Variants in MATR3 observed in about 807,000 individuals in gnomAD.
MATR3 encodes matrin 3.
A neutral mutation model predicts 85.5 loss-of-function variants in MATR3; 4 were observed. That is an observed-to-expected ratio of 0.05 (90% CI 0.02 to 0.11). The LOEUF (loss-of-function observed/expected upper bound fraction) is 0.11. Ranked by LOEUF, MATR3 falls within the 10% of genes least tolerant of loss-of-function variation. The pLI is 1.00. For missense variants in MATR3, 685 were observed against 1,016.1 expected (o/e 0.67, Z 4.43); for synonymous variants, 336 against 343.1 (o/e 0.98, Z 0.23).
At position 139,319,355 on chromosome 5, in the gene MATR3, C is replaced by A. The variant is rs1209324366; in HGVS notation, c.1456C>A (p.Gln486Lys). 1.2e-6 allele frequency: 2 copies of A among 1,614,114 alleles called. No homozygotes were observed. The highest frequency in any genetic ancestry group is 8.5e-7 in the Non-Finnish European group (1 of 1,180,032). The stretch of plus-strand genomic sequence containing the variant: ...AAAGAAACCTGAAGGAAAGCCAGAT[C>A]AGAAGTTTGATCAAAAGCAAGAGCT... ...RIKKPEGKPD[Q>K]KFDQKQELGR... Residue 486 changes from glutamine to lysine, a missense_variant, in exon 9 of 15, where the codon CAG becomes AAG. Coordinates refer to ENST00000394805, the MANE Select transcript of MATR3 (RefSeq NM_018834.6).
At chr5:139,320,683 AGTT>A (rs1046343777) in intron 9 of MATR3, among the ~76,000 whole-genome samples, 11 of 151,598 alleles carry the variant, frequency 7.3e-5, no homozygotes, top group African/African-American at 2.7e-4. Flanking sequence ...CAGCATTGCA[AGTT>A]TGTGTTCTTC....
intron 2 of MATR3, chr5:139,314,377 G>T (rs1755142690): frequency 5.5e-6 from 2 of 364,018 alleles, no homozygotes; most frequent in Non-Finnish European, 1.1e-5. Flanking sequence ...CTGATCTCAA[G>T]GTTAGTTACT....
At chr5:139,285,866 C>CA (rs1457162117) in intron 3 of MATR3, among the ~76,000 whole-genome samples, 3 of 151,236 alleles carry the variant, frequency 2.0e-5, no homozygotes, top group Non-Finnish European at 4.4e-5. Context: ...TGAAATTAGT[C>CA]AGAGGAAAAA....
At chr5:139,314,257 T>C (rs977787346) in intron 2 of MATR3, 2 of 241,078 alleles carry the variant, frequency 8.3e-6, no homozygotes, top group Non-Finnish European at 1.7e-5. Context: ...ATTTATAGTA[T>C]ATAGTTTCTA....
intron 3 of MATR3, chr5:139,283,681 A>G (rs997186090): frequency 1.3e-5 from 2 of 152,268 alleles, no homozygotes; most frequent in Non-Finnish European, 2.9e-5. Context: ...ACTGAACTCT[A>G]TGCTAGATGT....
chr5:139,315,985 G>A (rs1755221669), intron 4 of MATR3, 91 bp from the exon 5 acceptor site: 2 of 975,490 alleles, frequency 2.1e-6, no homozygotes, highest in African/African-American at 1.6e-5. Flanking sequence ...AGTGGTTGTG[G>A]TCATATATTG....
chr5:139,315,573 G>A (rs533232619), intron 3 of MATR3, 124 bp from the exon 4 acceptor site: 1 of 663,678 alleles, frequency 1.5e-6, no homozygotes, highest in South Asian at 1.8e-5. Context: ...TTAAAACTAT[G>A]TTTCTAACAC....
intron 1 of MATR3, among the ~76,000 whole-genome samples, chr5:139,304,686 A>T (rs73255229): frequency 0.012 from 1,872 of 152,232 alleles, 45 homozygotes; most frequent in African/African-American, 0.043. Context: ...TTGGATTTTG[A>T]TAATAAATGT....
Position 139,330,674 on chromosome 5 carries a change from G to A in MATR3, c.*1279G>A, listed in dbSNP as rs756222486. 7 of 454,108 alleles carry A rather than the reference G, an allele frequency of 1.5e-5. No individual in the cohort carries two copies. Among genetic ancestry groups the A allele is most frequent in the South Asian group, 1.1e-4 (7 of 64,482 alleles). The allele number at this position is 454,108 out of a possible 1,614,324, so 28.1% of individuals were successfully genotyped here. ...TACAGGTGAACAAACAGAAGCTTAT[G>A]TTTAGAGATATTGATGACTTAACAG... On this transcript the variant is annotated 3_prime_UTR_variant, in exon 15 of 15. Transcript: ENST00000394805.
At chr5:139,284,495 C>T (rs1373940218) in intron 3 of MATR3, among the ~76,000 whole-genome samples, 1 of 151,926 alleles carries the variant, frequency 6.6e-6, no homozygotes, top group Non-Finnish European at 1.5e-5. Flanking sequence ...GTAATCCCAA[C>T]TATTTGGGTG....
In MATR3 at chr5:139,322,768, T is replaced by C. The variant is rs1176347654; in HGVS notation, c.1949T>C (p.Met650Thr). ...GACCAGACAGAGCAGGAACCTAATA[T>C]GCTTCTTGAATCTGAAGATGAGCTA... is the stretch of plus-strand genomic sequence containing the variant. ...KDDQTEQEPN[M>T]LLESEDELLV... Residue 650 changes from methionine to threonine, a missense_variant, in exon 12 of 15, where the codon ATG (methionine) becomes ACG (threonine). Physicochemically the swap from Met to Thr is moderately conservative, Grantham distance 81. Around this residue, in one of 9 missense-constraint regions of MATR3, gnomAD observed 215 missense variants for 194.7 expected, o/e 1.10. Coordinates refer to ENST00000394805, the MANE Select transcript of MATR3 (RefSeq NM_018834.6). 9 of 1,614,088 alleles carry C rather than the reference T, an allele frequency of 5.6e-6. No homozygotes were observed. Among genetic ancestry groups the C allele is most frequent in the African/African-American group, 1.3e-5 (1 of 74,942 alleles).
intron 3 of MATR3, among the ~76,000 whole-genome samples, chr5:139,285,598 G>A (rs1753677622): frequency 6.6e-6 from 1 of 152,212 alleles, no homozygotes; most frequent in African/African-American, 2.4e-5. Context: ...ATTTGAACCT[G>A]GGAGGTGGAG....
intron 14 of MATR3, among the ~76,000 whole-genome samples, chr5:139,326,977 C>CT (rs534267927): frequency 1.9e-4 from 29 of 152,242 alleles, no homozygotes; most frequent in Non-Finnish European, 3.7e-4. Context: ...ATTATTGACA[C>CT]TTCAGTTATT....
At chr5:139,280,557 G>C (rs1343553264) in intron 3 of MATR3, 1 of 152,164 alleles carries the variant, frequency 6.6e-6, no homozygotes, top group Non-Finnish European at 1.5e-5. Flanking sequence ...TTTTTTGCAT[G>C]GGTTACTTAC....
Position 139,307,350 on chromosome 5 carries a change from C to G in MATR3, c.-66C>G, listed in dbSNP as rs1754761501. 6.4e-7 allele frequency: 1 copy of G among 1,560,678 alleles called. No individual in the cohort carries two copies. Among genetic ancestry groups the G allele is most frequent in the South Asian group, 1.2e-5 (1 of 80,742 alleles). On this transcript the variant is annotated 5_prime_UTR_variant, in exon 2 of 15. Transcript: ENST00000394805. The surrounding 1 kb of genome is among the most constrained non-coding windows in gnomAD (Gnocchi z 4.4). ...AACCTAGCTTTCTAGTTTGAGCTTT[C>G]TTTTTGGCCGTCTTTAAAAAAATTT...
In MATR3 at chr5:139,330,946, A is replaced by T. The variant is rs1581271056; in HGVS notation, c.*1551A>T. ...GCTGGGACTACAGGCTCATGCCACT[A>T]TACCTGGCTAGTTTTTGGTTTTTTT... On this transcript the variant is annotated 3_prime_UTR_variant, in exon 15 of 15. Coordinates refer to ENST00000394805, the MANE Select transcript of MATR3 (RefSeq NM_018834.6). 2.2e-6 allele frequency: 1 copy of T among 453,920 alleles called. No homozygotes were observed. The highest frequency in any genetic ancestry group is 4.4e-6 in the Non-Finnish European group (1 of 226,790). The allele number at this position is 453,920 out of a possible 1,614,324, so 28.1% of individuals were successfully genotyped here. A position where few individuals can be genotyped will look rare whatever the true frequency, so the allele number is the denominator to read the frequency against.
intron 3 of MATR3, chr5:139,283,407 G>C (rs1182024048): frequency 6.6e-6 from 1 of 152,286 alleles, no homozygotes; most frequent in Admixed American, 6.5e-5. Flanking sequence ...AAGAACAGGA[G>C]GGGTGAAAGG....
At chr5:139,290,469 C>T (rs1281923073), upstream of MATR3, among the ~76,000 whole-genome samples, 2 of 8,658 alleles carry the variant, frequency 2.3e-4, no homozygotes, top group African/African-American at 6.8e-4. Flanking sequence ...TTTTTTTTAA[C>T]AGGGTCCTGC....
chr5:139,298,803 G>A (rs1754292501), intron 1 of MATR3, among the ~76,000 whole-genome samples: 1 of 152,050 alleles, frequency 6.6e-6, no homozygotes, highest in Admixed American at 6.6e-5. Flanking sequence ...TGCACCAAGG[G>A]ACACCAAGAA....
Sources: gnomAD v4.1 joint callset for allele counts (sites outside exome capture counted in the v4.1 genomes callset) on GRCh38, gnomAD v4.1.1 for gene constraint, gnomAD v4.1.1 regional missense constraint, Gnocchi (gnomAD v3.1) non-coding constraint, MANE v1.5 for transcripts, NCBI Gene and HGNC (gene_info 2026-07-23, HGNC 2026-07-21) for gene names.